WNK2: variants seen among roughly 807,000 people sequenced by gnomAD.
WNK2 encodes serine/threonine-protein kinase WNK2.
Under a neutral mutation model 192.1 loss-of-function variants are expected in WNK2, and 67 were observed. The ratio of observed to expected loss-of-function variants is 0.35; its 90% CI spans 0.29 to 0.43. The LOEUF (loss-of-function observed/expected upper bound fraction) is 0.43. Ranked by LOEUF, WNK2 falls within the 20% of genes least tolerant of loss-of-function variation. WNK2 has a pLI of 1.00. For synonymous variants in WNK2, 1,439 were observed against 1,393.9 expected, an observed-to-expected ratio of 1.03 and a Z score of -0.72; for missense variants, 2,698 against 3,089.7, an observed-to-expected ratio of 0.87 and a Z score of 3.01.
chr9:93,317,658 C>A, intron 29 of WNK2, 27 bp downstream of exon 29: 1 of 1,604,476 alleles, frequency 6.2e-7, no homozygotes, highest in Non-Finnish European at 8.5e-7. Flanking sequence ...CCTCCCAACC[C>A]CACCCTGTGC....
At chr9:93,199,520 C>T (rs113140216) in intron 2 of WNK2, among the ~76,000 whole-genome samples, 77 of 152,314 alleles carry the variant, frequency 5.1e-4, no homozygotes, top group African/African-American at 1.7e-3. Flanking sequence ...GACATCTGCC[C>T]GGACAGGTCT....
chr9:93,229,581 G>C lies in WNK2; in HGVS notation c.682-115G>C, dbSNP rs578134316. 1.2e-4 allele frequency: 145 copies of C among 1,204,068 alleles called. No homozygotes were observed. Among genetic ancestry groups the C allele is most frequent in the Non-Finnish European group, 1.6e-4 (137 of 869,566 alleles). The allele number at this position is 1,204,068 out of a possible 1,614,324, so 74.6% of individuals were successfully genotyped here. A position where few individuals can be genotyped will look rare whatever the true frequency, so the allele number is the denominator to read the frequency against. On this transcript the variant is annotated intron_variant, in intron 2 of 29. Transcript: ENST00000427277. The surrounding 1 kb of genome is among the most constrained non-coding windows in gnomAD (Gnocchi z 4.9). ...GCCCTTCTATCATAGCCGCTTAGCT[G>C]CCTGTGGGTATGGGAAGGGCTGGTC...
intron 2 of WNK2, among the ~76,000 whole-genome samples, chr9:93,223,580 A>G (rs1837306125): frequency 6.6e-6 from 1 of 152,172 alleles, no homozygotes; most frequent in Non-Finnish European, 1.5e-5. Context: ...GCGACTCCAG[A>G]CAGAGCATGG....
chr9:93,187,508 GCT>G (rs925455471), intron 2 of WNK2, among the ~76,000 whole-genome samples: 3 of 152,190 alleles, frequency 2.0e-5, no homozygotes, highest in African/African-American at 7.2e-5. Context: ...TTTGGGATCA[GCT>G]CTCTCTGTGC....
At chr9:93,200,714 A>T (rs1433908836) in intron 2 of WNK2, among the ~76,000 whole-genome samples, 3 of 152,142 alleles carry the variant, frequency 2.0e-5, no homozygotes, top group South Asian at 4.1e-4. Flanking sequence ...TAGAGGTGAG[A>T]CGGCCACATG....
chr9:93,297,233 C>T (rs1043511329), intron 23 of WNK2, among the ~76,000 whole-genome samples: 12 of 151,886 alleles, frequency 7.9e-5, no homozygotes, highest in African/African-American at 2.7e-4. Context: ...TGCATCCTCC[C>T]CTGGGCATCC....
In WNK2 at chr9:93,317,598, G is replaced by A. The variant is rs142537088; in HGVS notation, c.6595G>A (p.Gly2199Arg). ...PGPLSTTVIP[G>R]AAPTLSVPTP... ...CCCTCTGTCCACCACGGTCATTCCC[G>A]GAGCCGCCCCGACCCTGTCCGTGCC... is the stretch of plus-strand genomic sequence containing the variant. Residue 2199 changes from glycine (G) to arginine (R), a missense_variant, in exon 29 of 30, where the codon GGA becomes AGA. Transcript: ENST00000427277. 38 of 1,613,022 alleles carry A rather than the reference G, an allele frequency of 2.4e-5. No homozygotes were observed. The highest frequency in any genetic ancestry group is 1.6e-4 in the Middle Eastern group (1 of 6,084).
chr9:93,235,028 G>A lies in WNK2; in HGVS notation c.1233+63G>A, dbSNP rs1024785848. The A allele has an allele frequency of 8.8e-6, 14 of 1,586,820 alleles. No homozygotes were observed. The African/African-American group carries it at 1.8e-4, about 20-fold the overall frequency. On this transcript the variant is annotated intron_variant, in intron 5 of 29. Transcript: ENST00000427277. ...ACAGAGGCCTTGGGCCGTACCCTGGGCTGGGCTCCATGTGGCTCTGTAAAG... is the reference window on the plus strand; with the variant it reads ...ACAGAGGCCTTGGGCCGTACCCTGGACTGGGCTCCATGTGGCTCTGTAAAG...
chr9:93,253,250 C>G (rs960113308), intron 9 of WNK2, among the ~76,000 whole-genome samples, 168 bp downstream of exon 9: 1 of 152,090 alleles, frequency 6.6e-6, no homozygotes, highest in African/African-American at 2.4e-5. Flanking sequence ...GGGAGACATT[C>G]AAAAGCCAGG....
chr9:93,293,269 G>A, intron 23 of WNK2, 96 bp downstream of exon 23: 1 of 1,226,710 alleles, frequency 8.2e-7, no homozygotes. Context: ...TGAAGTCCTG[G>A]CCAAGCAGCG....
intron 23 of WNK2, among the ~76,000 whole-genome samples, chr9:93,294,039 G>T (rs866451109): frequency 8.5e-5 from 13 of 152,118 alleles, no homozygotes; most frequent in Admixed American, 2.6e-4. Flanking sequence ...TGCTGCGGCT[G>T]GGGGGTTACT....
chr9:93,189,625 C>G (rs963033456), intron 2 of WNK2, among the ~76,000 whole-genome samples: 1 of 152,196 alleles, frequency 6.6e-6, no homozygotes, highest in Non-Finnish European at 1.5e-5. Context: ...AGTGGGTGGT[C>G]CCCCCACCAT....
rs1165371929 is a variant in WNK2 at position 93,254,809 on chromosome 9, T to TA, written c.2035-1480dup. 4.7e-3 allele frequency among the ~76,000 whole-genome samples: 703 copies of TA among 148,598 alleles called. 7 individuals are homozygous for TA. The highest frequency in any genetic ancestry group is 0.016 in the African/African-American group (651 of 40,488). On this transcript the variant is annotated intron_variant, in intron 9 of 29. Coordinates refer to ENST00000427277, the MANE Select transcript of WNK2 (RefSeq NM_006648.4). ...CAAGACCCTGTCTCTACAACAAATTTAAAAAAAAAAGAAAAGAAAAGGCTA... is the reference window on the plus strand; with the variant it reads ...CAAGACCCTGTCTCTACAACAAATTTAAAAAAAAAAAGAAAAGAAAAGGCTA...
chr9:93,238,183 C>T (rs758534085), intron 5 of WNK2, 50 bp from the exon 6 acceptor site: 15 of 1,576,242 alleles, frequency 9.5e-6, no homozygotes, highest in African/African-American at 6.7e-5. Flanking sequence ...GTGGAGGCCT[C>T]GCCTTCCGGC....
chr9:93,219,230 G>C (rs1836347641), intron 2 of WNK2, among the ~76,000 whole-genome samples: 1 of 152,248 alleles, frequency 6.6e-6, no homozygotes, highest in Non-Finnish European at 1.5e-5. Context: ...CCCTAAATGT[G>C]AATGGTCTGT....
chr9:93,224,342 G>C (rs1184484065), intron 2 of WNK2, among the ~76,000 whole-genome samples: 1 of 152,226 alleles, frequency 6.6e-6, no homozygotes, highest in African/African-American at 2.4e-5. Context: ...TGTTCTGGCA[G>C]AGCAGGTGGC....
chr9:93,199,195 G>T (rs1269722006), intron 2 of WNK2, among the ~76,000 whole-genome samples: 1 of 152,196 alleles, frequency 6.6e-6, no homozygotes, highest in African/African-American at 2.4e-5. Context: ...CCAGAAGGAA[G>T]ATGACCGATG....
chr9:93,271,686 A>G (rs1846027050), intron 19 of WNK2, among the ~76,000 whole-genome samples: 1 of 152,224 alleles, frequency 6.6e-6, no homozygotes, highest in African/African-American at 2.4e-5. Context: ...CAATAACTAA[A>G]GGGCTAACTT....
In WNK2 at chr9:93,308,603, G is replaced by A. The variant is rs1853055859; in HGVS notation, c.6516+19G>A. The A allele has an allele frequency of 1.5e-6, 2 of 1,306,888 alleles. No homozygotes were observed. Among genetic ancestry groups the A allele is most frequent in the Non-Finnish European group, 2.2e-6 (2 of 927,924 alleles). 81.0% of individuals were successfully genotyped at this position (1,306,888 alleles called of 1,614,324 possible). A position where few individuals can be genotyped will look rare whatever the true frequency, so the allele number is the denominator to read the frequency against. Reference sequence around the variant, plus strand: ...GCGGGCTGTGAGTGCGGGGCGGGTGGGGCGGGTGCTCCTGGGGTGGGGTAG... The same window carrying A: ...GCGGGCTGTGAGTGCGGGGCGGGTGAGGCGGGTGCTCCTGGGGTGGGGTAG... On this transcript the variant is annotated intron_variant, in intron 28 of 29. Coordinates refer to ENST00000427277, the MANE Select transcript of WNK2 (RefSeq NM_006648.4).
Sources: gnomAD v4.1 joint callset for allele counts (sites outside exome capture counted in the v4.1 genomes callset) on GRCh38, gnomAD v4.1.1 for gene constraint, Gnocchi (gnomAD v3.1) non-coding constraint, MANE v1.5 for transcripts, NCBI Gene and HGNC (gene_info 2026-07-23, HGNC 2026-07-21) for gene names.